PTPRT: variants seen among roughly 807,000 people sequenced by gnomAD.
The protein encoded by PTPRT is protein tyrosine phosphatase receptor type T, also known as receptor-type tyrosine-protein phosphatase T.
A neutral mutation model predicts 176.8 loss-of-function variants in PTPRT; 56 were observed. The ratio of observed to expected loss-of-function variants is 0.32; its 90% CI spans 0.26 to 0.40. PTPRT has a LOEUF of 0.40. Ranked by LOEUF, PTPRT falls within the 10% of genes least tolerant of loss-of-function variation. The pLI, the probability that PTPRT is intolerant of heterozygous loss-of-function variation, is 1.00. For synonymous variants in PTPRT, 783 were observed against 739.0 expected (o/e 1.06, Z -0.96); for missense variants, 1,540 against 1,908.2 (o/e 0.81, Z 3.60).
At chr20:42,525,972 T>C (rs960093301) in intron 7 of PTPRT, among the ~76,000 whole-genome samples, 1 of 152,190 alleles carries the variant, frequency 6.6e-6, no homozygotes, top group African/African-American at 2.4e-5. Flanking sequence ...TTTACAGATA[T>C]TATTCTACTG....
chr20:42,960,927 T>C (rs1485955107), intron 1 of PTPRT, among the ~76,000 whole-genome samples: 2 of 152,160 alleles, frequency 1.3e-5, no homozygotes, highest in Admixed American at 1.3e-4. Flanking sequence ...GGAAGATATT[T>C]TGTAAATTAA....
At chr20:43,000,055 A>AAGGGAAGGAGGG (rs1324664524) in intron 1 of PTPRT, among the ~76,000 whole-genome samples, 2 of 113,620 alleles carry the variant, frequency 1.8e-5, no homozygotes, top group African/African-American at 7.3e-5. Flanking sequence ...GGAAGGGAAG[A>AAGGGAAGGAGGG]AGGGAAGGAG....
At chr20:42,939,067 G>A (rs1271572176) in intron 1 of PTPRT, among the ~76,000 whole-genome samples, 1 of 152,126 alleles carries the variant, frequency 6.6e-6, no homozygotes. Context: ...AACCATCACT[G>A]GTTTCTGTGT....
chr20:42,794,966 G>A (rs903875119), intron 2 of PTPRT, among the ~76,000 whole-genome samples: 3 of 152,030 alleles, frequency 2.0e-5, no homozygotes, highest in Non-Finnish European at 4.4e-5. Context: ...GCCTATCTGC[G>A]AGTTGAGCTC....
chr20:42,331,107 C>T (rs1331959246), intron 11 of PTPRT, among the ~76,000 whole-genome samples: 4 of 152,104 alleles, frequency 2.6e-5, no homozygotes, highest in Admixed American at 6.6e-5. Flanking sequence ...TTCTTTACCC[C>T]GGGCCTCTCA....
chr20:42,698,878 T>TGAAC (rs1170463958), intron 6 of PTPRT, among the ~76,000 whole-genome samples: 1 of 152,076 alleles, frequency 6.6e-6, no homozygotes, highest in Non-Finnish European at 1.5e-5. Flanking sequence ...AATGAATGAA[T>TGAAC]GAACGAACAA....
At chr20:42,433,171 C>T (rs1272616670) in intron 9 of PTPRT, among the ~76,000 whole-genome samples, 1 of 152,100 alleles carries the variant, frequency 6.6e-6, no homozygotes, top group Non-Finnish European at 1.5e-5. Flanking sequence ...AACCTCACAC[C>T]ATCTGCTTTA....
rs1568909948 is a variant in PTPRT, at chr20:42,472,302, C to T, written c.1414G>A (p.Glu472Lys). ...GTCTGCACCACCAGCTCCTCGCTCT[C>T]CATTCGGCCCTCGGGGTTAGACAGC... ...LLLSNPEGRM[E>K]SEELVVQTEE... The change falls in exon 8 of 31, where the codon GAG becomes AAG. Residue 472 changes from glutamate (E) to lysine (K), a missense_variant. Coordinates refer to ENST00000373187, the MANE Select transcript of PTPRT (RefSeq NM_007050.6). 2 of 1,614,236 alleles carry T rather than the reference C, an allele frequency of 1.2e-6. No individual in the cohort carries two copies. The highest frequency in any genetic ancestry group is 1.7e-6 in the Non-Finnish European group (2 of 1,180,042).
chr20:42,963,837 G>A (rs976149625), intron 1 of PTPRT, among the ~76,000 whole-genome samples: 6 of 152,124 alleles, frequency 3.9e-5, no homozygotes, highest in South Asian at 2.1e-4. Context: ...GCAGCTAAAC[G>A]TATCCAAGAG....
At chr20:42,222,840 G>C (rs1164787974) in intron 15 of PTPRT, among the ~76,000 whole-genome samples, 1 of 152,144 alleles carries the variant, frequency 6.6e-6, no homozygotes, top group Non-Finnish European at 1.5e-5. Flanking sequence ...CCAAAGAAGG[G>C]GTTGTGGGAA....
At chr20:42,427,228 C>A (rs764009926) in intron 9 of PTPRT, among the ~76,000 whole-genome samples, 2 of 152,154 alleles carry the variant, frequency 1.3e-5, no homozygotes, top group Non-Finnish European at 2.9e-5. Context: ...TACTGCATGG[C>A]AATACTTTAC....
intron 12 of PTPRT, among the ~76,000 whole-genome samples, chr20:42,306,472 C>G (rs531054664): frequency 1.3e-5 from 2 of 152,252 alleles, no homozygotes; most frequent in Admixed American, 1.3e-4. Flanking sequence ...GATGTTTACC[C>G]GATTGAGATT....
the PTPRT span, among the ~76,000 whole-genome samples, chr20:42,042,660 G>A: frequency 6.6e-6 from 1 of 152,210 alleles, no homozygotes; most frequent in Non-Finnish European, 1.5e-5. Flanking sequence ...GAAGTCAAAT[G>A]TTTCTTCATA....
At chr20:42,305,163 G>A (rs995467089) in intron 12 of PTPRT, among the ~76,000 whole-genome samples, 1 of 151,950 alleles carries the variant, frequency 6.6e-6, no homozygotes, top group African/African-American at 2.4e-5. Context: ...GACCAGCTTG[G>A]TCAACATGGT....
chr20:42,161,792 G>A (rs1989613579), intron 16 of PTPRT, among the ~76,000 whole-genome samples: 1 of 152,174 alleles, frequency 6.6e-6, no homozygotes, highest in Admixed American at 6.5e-5. Flanking sequence ...TAAAGTTCCA[G>A]GTTGTTCATC....
chr20:43,072,414 A>C (rs1202935480), intron 1 of PTPRT, among the ~76,000 whole-genome samples: 3 of 152,188 alleles, frequency 2.0e-5, no homozygotes, highest in Non-Finnish European at 4.4e-5. Context: ...CTAATTCCTC[A>C]AAGTAGGTTT....
chr20:42,216,532 T>A (rs1470477037), intron 15 of PTPRT, among the ~76,000 whole-genome samples: 2 of 152,216 alleles, frequency 1.3e-5, no homozygotes, highest in African/African-American at 2.4e-5. Flanking sequence ...CATTTGCCTA[T>A]CTTCTCTCAT....
At chr20:42,112,478 C>A (rs184584756) in intron 22 of PTPRT, among the ~76,000 whole-genome samples, 1 of 152,200 alleles carries the variant, frequency 6.6e-6, no homozygotes, top group African/African-American at 2.4e-5. Context: ...TTGCCCGGTA[C>A]GTGGGACTTT....
intron 8 of PTPRT, among the ~76,000 whole-genome samples, chr20:42,464,143 C>T (rs1209350723): frequency 6.6e-6 from 1 of 152,138 alleles, no homozygotes; most frequent in Non-Finnish European, 1.5e-5. Context: ...AGCTAAAAGA[C>T]GTCATACATA....
Sources: gnomAD v4.1 joint callset for allele counts (sites outside exome capture counted in the v4.1 genomes callset) on GRCh38, gnomAD v4.1.1 for gene constraint, MANE v1.5 for transcripts, NCBI Gene and HGNC (gene_info 2026-07-23, HGNC 2026-07-21) for gene names.